Variants in ATP8A1 observed in about 807,000 individuals in gnomAD.
ATP8A1 encodes phospholipid-transporting ATPase IA.
In ATP8A1, 90 loss-of-function variants were observed where a neutral mutation model predicts 177.7. The ratio of observed to expected loss-of-function variants is 0.51; its 90% confidence interval spans 0.43 to 0.60. ATP8A1 has a LOEUF of 0.60. ATP8A1 is among the 20% of genes least tolerant of loss of function. ATP8A1 has a pLI of 0.00. For synonymous variants in ATP8A1, 493 were observed against 485.9 expected, an observed-to-expected ratio of 1.01 and a Z score of -0.19; for missense variants, 1,072 against 1,392.8, an observed-to-expected ratio of 0.77 and a Z score of 3.67.
chr4:42,501,161 G>A (rs963158986), intron 24 of ATP8A1, among the ~76,000 whole-genome samples: 11 of 152,180 alleles, frequency 7.2e-5, no homozygotes, highest in Non-Finnish European at 1.6e-4. Flanking sequence ...ACCTACAGTT[G>A]TAACTTGCCA....
intron 33 of ATP8A1, among the ~76,000 whole-genome samples, chr4:42,427,286 G>A (rs1314524623): frequency 6.6e-6 from 1 of 152,172 alleles, no homozygotes; most frequent in Non-Finnish European, 1.5e-5. Context: ...GAAATTCTGG[G>A]TTAATATCTG....
intron 30 of ATP8A1, among the ~76,000 whole-genome samples, chr4:42,449,280 A>C (rs1211435450): frequency 6.6e-6 from 1 of 152,206 alleles, no homozygotes; most frequent in Non-Finnish European, 1.5e-5. Context: ...CCATTTTGTC[A>C]AATACAAAAT....
chr4:42,526,877 T>C (rs114230860), intron 20 of ATP8A1, among the ~76,000 whole-genome samples: 21,843 of 152,180 alleles, frequency 0.14, 1,797 homozygotes, highest in East Asian at 0.26. Context: ...GACCCCAAAA[T>C]GCTAAGGACT....
intron 9 of ATP8A1, among the ~76,000 whole-genome samples, chr4:42,584,325 T>C (rs1733403130): frequency 1.3e-5 from 2 of 152,278 alleles, no homozygotes; most frequent in Non-Finnish European, 2.9e-5. Context: ...TTTCTGCCAG[T>C]TTCTGCCTCA....
At chr4:42,526,216 CT>C (rs1726657386) in intron 20 of ATP8A1, among the ~76,000 whole-genome samples, 1 of 74,878 alleles carries the variant, frequency 1.3e-5, no homozygotes, top group Non-Finnish European at 4.0e-5. Context: ...AATTTTCTAC[CT>C]TCTTTATAGT....
intron 9 of ATP8A1, among the ~76,000 whole-genome samples, chr4:42,584,616 C>T (rs1001489892): frequency 2.0e-5 from 3 of 152,176 alleles, no homozygotes; most frequent in African/African-American, 7.2e-5. Context: ...TTCACTAGTG[C>T]CTTTGCCTTT....
intron 17 of ATP8A1, among the ~76,000 whole-genome samples, chr4:42,552,010 T>A (rs972410097): frequency 1.3e-5 from 2 of 152,178 alleles, no homozygotes; most frequent in Non-Finnish European, 2.9e-5. Context: ...ACTAATAATA[T>A]TTTATGGAAT....
At chr4:42,439,040 A>C (rs1433195357) in intron 33 of ATP8A1, among the ~76,000 whole-genome samples, 1 of 120,706 alleles carries the variant, frequency 8.3e-6, no homozygotes, top group Non-Finnish European at 1.7e-5. Flanking sequence ...CAAGAATGTA[A>C]GTTGGAAATG....
At chr4:42,625,832 T>C (rs894398600) in intron 2 of ATP8A1, 119 bp from the exon 3 acceptor site, 1 of 522,494 alleles carries the variant, frequency 1.9e-6, no homozygotes, top group Admixed American at 3.9e-5. Context: ...CTGTTTCAAA[T>C]TGGGAGAATA....
chr4:42,493,560 G>C (rs1258361828), intron 24 of ATP8A1, among the ~76,000 whole-genome samples: 2 of 152,076 alleles, frequency 1.3e-5, no homozygotes, highest in East Asian at 3.9e-4. Context: ...TAAACTCTTC[G>C]CCAGAGTTAT....
At chr4:42,568,787 T>C (rs925310851) in intron 15 of ATP8A1, among the ~76,000 whole-genome samples, 2 of 152,166 alleles carry the variant, frequency 1.3e-5, no homozygotes, top group African/African-American at 4.8e-5. Flanking sequence ...TTGGTAGCTC[T>C]GTAAAGTACA....
chr4:42,598,632 A>G (rs1734948330), intron 6 of ATP8A1, among the ~76,000 whole-genome samples: 1 of 152,176 alleles, frequency 6.6e-6, no homozygotes, highest in East Asian at 1.9e-4. Flanking sequence ...TGGGAATATG[A>G]CATACTTGTA....
chr4:42,548,998 GAGC>G lies in ATP8A1; in HGVS notation c.1652+12_1652+14del. On this transcript the variant is annotated intron_variant, in intron 19 of 36. Coordinates refer to ENST00000381668, the MANE Select transcript of ATP8A1 (RefSeq NM_006095.2). ...ATTTATCTTATCCATACAAATCACTGAGCAGATGTTTTACCTGGTAAACTCCAA... is the reference window on the plus strand; with the variant it reads ...ATTTATCTTATCCATACAAATCACTGAGATGTTTTACCTGGTAAACTCCAA... 1 of 1,594,918 alleles carries G rather than the reference GAGC, an allele frequency of 6.3e-7. No homozygotes were observed. The highest frequency in any genetic ancestry group is 8.6e-7 in the Non-Finnish European group (1 of 1,166,710).
In ATP8A1 at chr4:42,409,632, A is replaced by T. The variant is rs187206998; in HGVS notation, c.*3284T>A. On this transcript the variant is annotated 3_prime_UTR_variant, in exon 37 of 37. Coordinates refer to ENST00000381668, the MANE Select transcript of ATP8A1 (RefSeq NM_006095.2). ...AACTATCAAAGGGCAACTGCACAAAAATAAACACGATTATTTAGCTTTGTA... is the reference window on the plus strand; with the variant it reads ...AACTATCAAAGGGCAACTGCACAAATATAAACACGATTATTTAGCTTTGTA... 4.6e-5 allele frequency: 7 copies of T among 152,268 alleles called. No homozygotes were observed. The highest frequency in any genetic ancestry group is 1.0e-4 in the Non-Finnish European group (7 of 67,976). 9.4% of individuals were successfully genotyped at this position (152,268 alleles called of 1,614,324 possible).
rs575926286 is a variant in ATP8A1 at position 42,441,131 on chromosome 4, T to C, written c.3123+2434A>G. Among the ~76,000 whole-genome samples, 3 of 152,280 alleles carry C rather than the reference T, an allele frequency of 2.0e-5. No individual in the cohort carries two copies. The East Asian group carries it at 5.8e-4, about 29-fold the overall frequency. On this transcript the variant is annotated intron_variant, in intron 33 of 36. Transcript: ENST00000381668. ...TTTCATTACGTGGATATCATAAACA[T>C]GTCAAGGCAGCAGATGCTAACATTT...
intron 5 of ATP8A1, among the ~76,000 whole-genome samples, chr4:42,607,138 T>C (rs544686365): frequency 6.6e-6 from 1 of 152,342 alleles, no homozygotes; most frequent in East Asian, 1.9e-4. Context: ...ATGGGCCTGC[T>C]GCATCTGCAG....
At chr4:42,646,732 ATAT>A (rs1478705143) in intron 1 of ATP8A1, among the ~76,000 whole-genome samples, 2 of 152,198 alleles carry the variant, frequency 1.3e-5, no homozygotes, top group Non-Finnish European at 2.9e-5. Context: ...AACTAATCTG[ATAT>A]TATTAAGCAC....
chr4:42,591,345 G>C (rs1734158476), intron 6 of ATP8A1, among the ~76,000 whole-genome samples: 1 of 151,326 alleles, frequency 6.6e-6, no homozygotes, highest in Non-Finnish European at 1.5e-5. Context: ...ACTAGTCCCT[G>C]CCCCACTTAA....
At chr4:42,655,952 T>A (rs917539649) in intron 1 of ATP8A1, among the ~76,000 whole-genome samples, 13 of 152,176 alleles carry the variant, frequency 8.5e-5, no homozygotes, top group Non-Finnish European at 1.6e-4. Flanking sequence ...AAGTACAGGT[T>A]TATGGGAGAG....
Sources: gnomAD v4.1 joint callset for allele counts (sites outside exome capture counted in the v4.1 genomes callset) on GRCh38, gnomAD v4.1.1 for gene constraint, MANE v1.5 for transcripts, NCBI Gene and HGNC (gene_info 2026-07-23, HGNC 2026-07-21) for gene names.